Variants in OR5F1 observed in about 807,000 individuals in gnomAD.
OR5F1 encodes olfactory receptor family 5 subfamily F member 1.
For synonymous variants in OR5F1, 185 were observed against 153.2 expected (o/e 1.21, Z -1.53); for missense variants, 429 against 369.9 (o/e 1.16, Z -1.31).
In OR5F1 at chr11:55,993,946, GA is replaced by G. The variant is rs1565015498; in HGVS notation, c.679del (p.Ser227LeufsTer19). ...SYSYVLFSIF[S>X]MHSGEGRHRA... ...GTGCCTCCCCTCCCCCGAATGCATA[GA>G]AAAAATGGAGAAGAGAACGTAGGAG... On this transcript the variant is annotated frameshift_variant, in exon 1 of 1. Coordinates refer to ENST00000278409, the MANE Select transcript of OR5F1 (RefSeq NM_003697.1). LOFTEE classifies it low-confidence loss of function (END_TRUNC). 4 of 1,613,874 alleles carry G rather than the reference GA, an allele frequency of 2.5e-6. No individual in the cohort carries two copies. The East Asian group carries it at 6.7e-5, about 27-fold the overall frequency.
Position 55,993,880 on chromosome 11 carries a change from A to C in OR5F1, c.746T>G (p.Ile249Ser). 1.9e-6 allele frequency: 3 copies of C among 1,613,988 alleles called. No homozygotes were observed. The highest frequency in any genetic ancestry group is 2.5e-6 in the Non-Finnish European group (3 of 1,179,984). The change falls in exon 1 of 1, where the codon ATT becomes AGT. Residue 249 changes from isoleucine (I) to serine (S), a missense_variant. Transcript: ENST00000278409. ...STCASHLTAIILFYATCIYTY... is the reference protein window; with the variant it reads ...STCASHLTAISLFYATCIYTY... ...ATAGATGCAGGTGGCATAGAACAGA[A>C]TTATGGCTGTCAGGTGAGAGGCACA...
rs1399109660 is a variant in OR5F1 at position 55,994,415 on chromosome 11, C to T, written c.211G>A (p.Val71Ile). The change falls in exon 1 of 1, where the codon GTT becomes ATT. Residue 71 changes from valine (V) to isoleucine (I), a missense_variant. By Grantham distance (29) the Val-to-Ile change is conservative (BLOSUM62 3). Coordinates refer to ENST00000278409, the MANE Select transcript of OR5F1 (RefSeq NM_003697.1). ...GGGGTGATGGTAGTTGAGTTACAAACGTCCACAAAGGACAGGTTAGCCAGG... is the reference window on the plus strand; with the variant it reads ...GGGGTGATGGTAGTTGAGTTACAAATGTCCACAAAGGACAGGTTAGCCAGG... ...FFLANLSFVD[V>I]CNSTTITPKM... 5 of 1,613,692 alleles carry T rather than the reference C, an allele frequency of 3.1e-6. No homozygotes were observed. The highest frequency in any genetic ancestry group is 1.1e-5 in the South Asian group (1 of 91,076).
Position 55,994,509 on chromosome 11 carries a change from T to A in OR5F1, c.117A>T (p.Val39=). ...AGAGGATCATCCCGAGATTTCCCAG[T>A]ACTGTAAGTGTATAAATCACAAGAA... ...LFFLVIYTLT[V]LGNLGMILLI... The change falls in exon 1 of 1, where the codon GTA becomes GTT. Residue 39 remains valine, a synonymous_variant. Transcript: ENST00000278409. The A allele has an allele frequency of 3.7e-6, 6 of 1,613,518 alleles. No homozygotes were observed. Among genetic ancestry groups the A allele is most frequent in the Non-Finnish European group, 5.1e-6 (6 of 1,179,656 alleles).
chr11:55,994,208 CG>C lies in OR5F1; in HGVS notation c.417del (p.Val140SerfsTer3). 1 of 1,613,792 alleles carries C rather than the reference CG, an allele frequency of 6.2e-7. No individual in the cohort carries two copies. Among genetic ancestry groups the C allele is most frequent in the Non-Finnish European group, 8.5e-7 (1 of 1,179,982 alleles). Reference protein sequence around the residue: ...PLLYSLIMSRTVYLKMAAGAF... With the variant: ...PLLYSLIMSRXVYLKMAAGAF... ...GCCCCGGCTGCCATTTTTAGGTAGACGGTCCTGGACATGATCAAGGAGTAAA... is the reference window on the plus strand; with the variant it reads ...GCCCCGGCTGCCATTTTTAGGTAGACGTCCTGGACATGATCAAGGAGTAAA... On this transcript the variant is annotated frameshift_variant, in exon 1 of 1. Transcript: ENST00000278409. LOFTEE classifies it low-confidence loss of function (END_TRUNC).
In OR5F1 at chr11:55,994,300, G is replaced by T. The variant is rs1395466009; in HGVS notation, c.326C>A (p.Thr109Lys). 1.2e-6 allele frequency: 2 copies of T among 1,613,984 alleles called. No homozygotes were observed. Among genetic ancestry groups the T allele is most frequent in the African/African-American group, 2.7e-5 (2 of 74,952 alleles). Residue 109 changes from threonine to lysine, a missense_variant, in exon 1 of 1, where the codon ACA (threonine) becomes AAA (lysine). Thr to Lys is a moderately conservative substitution (Grantham distance 78). Coordinates refer to ENST00000278409, the MANE Select transcript of OR5F1 (RefSeq NM_003697.1). ...LQMYFFISLA[T>K]TECILFGLMA... ...TAACCCAAAGAGGATGCATTCGGTT[G>T]TCGCCAGGGAGATAAAGAAGTACAT...
At position 55,994,078 on chromosome 11, in the gene OR5F1, G is replaced by C. The variant is rs1852992987; in HGVS notation, c.548C>G (p.Pro183Arg). The C allele has an allele frequency of 1.2e-6, 2 of 1,613,870 alleles. No homozygotes were observed. Among genetic ancestry groups the C allele is most frequent in the Non-Finnish European group, 1.7e-6 (2 of 1,179,982 alleles). Residue 183 changes from proline to arginine, a missense_variant, in exon 1 of 1, where the codon CCA (proline) becomes CGA (arginine). By Grantham distance (103) the Pro-to-Arg change is moderately radical. Transcript: ENST00000278409. The part of the protein sequence containing the change: ...VIHHFFCDSP[P>R]LFKLSCSDTI... ...GTCAGAACAAGAGAGCTTGAAAAGT[G>C]GGGGACTGTCACAGAAGAAGTGATG...
rs141507953 is a variant in OR5F1, at chr11:55,993,834, G to C, written c.792C>G (p.Ser264=). ...TCIYTYLRPS[S]SYSLNQDKVA... The stretch of plus-strand genomic sequence containing the variant: ...CTTTGTCCTGATTCAGGGAGTAGCT[G>C]GAACTAGGTCTCAGGTAAGTATAGA... Residue 264 remains serine (S), a synonymous_variant, in exon 1 of 1, where the codon TCC becomes TCG. Transcript: ENST00000278409. The C allele has an allele frequency of 1.5e-4, 250 of 1,613,778 alleles. No individual in the cohort carries two copies. The highest frequency in any genetic ancestry group is 1.9e-4 in the Non-Finnish European group (228 of 1,179,952).
In OR5F1 at chr11:55,993,792, G is replaced by T. The variant is rs1174291005; in HGVS notation, c.834C>A (p.Tyr278Ter). ...GATTCAACATGGGAATCACCACTGT[G>T]TAGAACACAGAAGCCACTTTGTCCT... ...LNQDKVASVF[Y>*]TVVIPMLNPL... Residue 278 changes from tyrosine (Y) to a stop codon, truncating the protein, a stop_gained, in exon 1 of 1, where the codon TAC (tyrosine) becomes TAA (stop). Coordinates refer to ENST00000278409, the MANE Select transcript of OR5F1 (RefSeq NM_003697.1). LOFTEE classifies it low-confidence loss of function (END_TRUNC). 6.2e-7 allele frequency: 1 copy of T among 1,612,918 alleles called. No individual in the cohort carries two copies. The highest frequency in any genetic ancestry group is 8.5e-7 in the Non-Finnish European group (1 of 1,179,086).
chr11:55,994,149 G>A lies in OR5F1; in HGVS notation c.477C>T (p.Asn159=). 6.2e-7 allele frequency: 1 copy of A among 1,613,962 alleles called. No individual in the cohort carries two copies. The highest frequency in any genetic ancestry group is 1.7e-5 in the Admixed American group (1 of 59,984). Residue 159 remains asparagine (N), a synonymous_variant, in exon 1 of 1, where the codon AAC becomes AAT. Transcript: ENST00000278409. ...FAAGLLNFMV[N]TSHVSSLSFC... ...ATGACAAGCTGCTGACATGGCTTGT[G>A]TTGACCATGAAGTTCAGCAACCCTG...
chr11:55,994,411 C>G lies in OR5F1; in HGVS notation c.215G>C (p.Cys72Ser), dbSNP rs148302675. 17 of 1,613,692 alleles carry G rather than the reference C, an allele frequency of 1.1e-5. No homozygotes were observed. In the African/African-American group the frequency reaches 2.1e-4, roughly 20 times the overall value. Residue 72 changes from cysteine to serine, a missense_variant, in exon 1 of 1, where the codon TGT (cysteine) becomes TCT (serine). By Grantham distance (112) the Cys-to-Ser change is moderately radical. Coordinates refer to ENST00000278409, the MANE Select transcript of OR5F1 (RefSeq NM_003697.1). ...CTTTGGGGTGATGGTAGTTGAGTTACAAACGTCCACAAAGGACAGGTTAGC... is the reference window on the plus strand; with the variant it reads ...CTTTGGGGTGATGGTAGTTGAGTTAGAAACGTCCACAAAGGACAGGTTAGC... ...FLANLSFVDV[C>S]NSTTITPKML... is the part of the protein sequence containing the mutation.
At position 55,994,431 on chromosome 11, in the gene OR5F1, G is replaced by T; in HGVS notation, c.195C>A (p.Asn65Lys). 3 of 1,613,858 alleles carry T rather than the reference G, an allele frequency of 1.9e-6. No individual in the cohort carries two copies. Among genetic ancestry groups the T allele is most frequent in the Non-Finnish European group, 8.5e-7 (1 of 1,179,960 alleles). The change falls in exon 1 of 1, where the codon AAC becomes AAA. Residue 65 changes from asparagine to lysine, a missense_variant. Asn to Lys is a moderately conservative substitution (Grantham distance 94). Transcript: ENST00000278409. The stretch of plus-strand genomic sequence containing the variant: ...AGTTACAAACGTCCACAAAGGACAG[G>T]TTAGCCAGGAAGAAATACATGGGTG... ...LHTPMYFFLANLSFVDVCNST... is the reference protein window; with the variant it reads ...LHTPMYFFLAKLSFVDVCNST...
rs758609380 is a variant in OR5F1 at position 55,994,593 on chromosome 11, CTCAG to C, written c.29_32del (p.Thr10SerfsTer7). 81 of 1,574,274 alleles carry C rather than the reference CTCAG, an allele frequency of 5.1e-5. No individual in the cohort carries two copies. The highest frequency in any genetic ancestry group is 6.3e-5 in the Non-Finnish European group (73 of 1,158,704). On this transcript the variant is annotated frameshift_variant, in exon 1 of 1. Coordinates refer to ENST00000278409, the MANE Select transcript of OR5F1 (RefSeq NM_003697.1). LOFTEE classifies it low-confidence loss of function (END_TRUNC). ...TGTCTGCTAATCCCAATAGGACGAA[CTCAG>C]TCAGTGAGGTATAATTTTTTCTGGT...
At position 55,994,239 on chromosome 11, in the gene OR5F1, C is replaced by T. The variant is rs368793724; in HGVS notation, c.387G>A (p.Pro129=). 4 of 1,613,856 alleles carry T rather than the reference C, an allele frequency of 2.5e-6. No homozygotes were observed. Among genetic ancestry groups the T allele is most frequent in the Admixed American group, 3.3e-5 (2 of 59,964 alleles). The change falls in exon 1 of 1, where the codon CCG becomes CCA. Residue 129 remains proline (P), a synonymous_variant. Transcript: ENST00000278409. ...AYDRYAAICR[P]LLYSLIMSRT... is the part of the protein sequence containing the mutation. ...TGGACATGATCAAGGAGTAAAGCAG[C>T]GGGCGACATATGGCCGCATACCTGT...
At position 55,994,361 on chromosome 11, in the gene OR5F1, T is replaced by C; in HGVS notation, c.265A>G (p.Lys89Glu). 2 of 1,613,916 alleles carry C rather than the reference T, an allele frequency of 1.2e-6. No individual in the cohort carries two copies. The highest frequency in any genetic ancestry group is 1.7e-6 in the Non-Finnish European group (2 of 1,179,978). Residue 89 changes from lysine to glutamate, a missense_variant, in exon 1 of 1, where the codon AAG becomes GAG. Physicochemically the swap from Lys to Glu is moderately conservative, Grantham distance 56. Coordinates refer to ENST00000278409, the MANE Select transcript of OR5F1 (RefSeq NM_003697.1). ...CAGCCAGCAAAAGAGATGGTTTTCT[T>C]CTCTGATAATAAATCTGCCAGCATC... Reference protein sequence around the residue: ...PKMLADLLSEKKTISFAGCFL... With the variant: ...PKMLADLLSEEKTISFAGCFL...
rs764924754 is a variant in OR5F1 at position 55,993,797 on chromosome 11, A to T, written c.829T>A (p.Phe277Ile). The T allele has an allele frequency of 2.2e-5, 36 of 1,613,238 alleles. No homozygotes were observed. The change falls in exon 1 of 1, where the codon TTC becomes ATC. Residue 277 changes from phenylalanine (F) to isoleucine (I), a missense_variant. Physicochemically the swap from Phe to Ile is conservative, Grantham distance 21. Transcript: ENST00000278409. ...SLNQDKVASV[F>I]YTVVIPMLNP... ...AACATGGGAATCACCACTGTGTAGAACACAGAAGCCACTTTGTCCTGATTC... is the reference window on the plus strand; with the variant it reads ...AACATGGGAATCACCACTGTGTAGATCACAGAAGCCACTTTGTCCTGATTC...
rs35607186 is a variant in OR5F1, at chr11:55,994,052, T to C, written c.574A>G (p.Thr192Ala). The change falls in exon 1 of 1, where the codon ACA becomes GCA. Residue 192 changes from threonine (T) to alanine (A), a missense_variant. Thr to Ala is a moderately conservative substitution (Grantham distance 58). Coordinates refer to ENST00000278409, the MANE Select transcript of OR5F1 (RefSeq NM_003697.1). ...PPLFKLSCSD[T>A]ILKESISSIL... ...GAACTTATGCTTTCTTTCAGGATTGTGTCAGAACAAGAGAGCTTGAAAAGT... is the reference window on the plus strand; with the variant it reads ...GAACTTATGCTTTCTTTCAGGATTGCGTCAGAACAAGAGAGCTTGAAAAGT... 0.084 allele frequency: 135,979 copies of C among 1,613,820 alleles called. 6,028 individuals carry two copies. The highest frequency in any genetic ancestry group is 0.13 in the African/African-American group (9,363 of 74,894).
rs1309237760 is a variant in OR5F1, at chr11:55,993,925, C to T, written c.701G>A (p.Arg234Lys). 1.9e-6 allele frequency: 3 copies of T among 1,613,824 alleles called. No individual in the cohort carries two copies. Among genetic ancestry groups the T allele is most frequent in the South Asian group, 2.2e-5 (2 of 91,076 alleles). The change falls in exon 1 of 1, where the codon AGG (arginine) becomes AAG (lysine). Residue 234 changes from arginine (R) to lysine (K), a missense_variant. By Grantham distance (26) the Arg-to-Lys change is conservative. Transcript: ENST00000278409. ...GGCACACGTGGAGAAAGCTCTGTGC[C>T]TCCCCTCCCCCGAATGCATAGAAAA... The part of the protein sequence containing the change: ...SIFSMHSGEG[R>K]HRAFSTCASH...
At position 55,994,567 on chromosome 11, in the gene OR5F1, G is replaced by A. The variant is rs753933467; in HGVS notation, c.59C>T (p.Thr20Met). 33 of 1,609,894 alleles carry A rather than the reference G, an allele frequency of 2.0e-5. No individual in the cohort carries two copies. The highest frequency in any genetic ancestry group is 2.8e-5 in the Non-Finnish European group (33 of 1,177,870). ...AAAGAGGATAATCTGTAGCTCCAGC[G>A]TGTCTGCTAATCCCAATAGGACGAA... is the stretch of plus-strand genomic sequence containing the variant. The part of the protein sequence containing the change: ...TEFVLLGLAD[T>M]LELQIILFLF... The change falls in exon 1 of 1, where the codon ACG becomes ATG. Residue 20 changes from threonine (T) to methionine (M), a missense_variant. Transcript: ENST00000278409.
chr11:55,993,783 C>T lies in OR5F1; in HGVS notation c.843G>A (p.Val281=), dbSNP rs201874701. 3 of 1,612,188 alleles carry T rather than the reference C, an allele frequency of 1.9e-6. No individual in the cohort carries two copies. The highest frequency in any genetic ancestry group is 2.2e-5 in the East Asian group (1 of 44,854). ...AGATCAGAGGATTCAACATGGGAAT[C>T]ACCACTGTGTAGAACACAGAAGCCA... ...DKVASVFYTV[V]IPMLNPLIYS... Residue 281 remains valine, a synonymous_variant, in exon 1 of 1, where the codon GTG becomes GTA. Coordinates refer to ENST00000278409, the MANE Select transcript of OR5F1 (RefSeq NM_003697.1).
Sources: gnomAD v4.1 joint callset for allele counts on GRCh38, gnomAD v4.1.1 for gene constraint, MANE v1.5 for transcripts, NCBI Gene and HGNC (gene_info 2026-07-23, HGNC 2026-07-21) for gene names.